Variants in PMM2 observed in about 807,000 individuals in gnomAD.
The protein encoded by PMM2 is phosphomannomutase 2, also known as mannose-6-phosphate isomerase.
Under a neutral mutation model 33.2 loss-of-function variants are expected in PMM2, and 35 were observed. That is an observed-to-expected ratio of 1.06 (90% CI 0.81 to 1.40). The LOEUF (loss-of-function observed/expected upper bound fraction) is 1.40. PMM2 is among the 40% of genes most tolerant of loss of function. PMM2 has a pLI of 0.00. For synonymous variants in PMM2, 153 were observed against 114.7 expected (o/e 1.33, Z -2.13); for missense variants, 386 against 306.0 (o/e 1.26, Z -1.95).
At chr16:8,841,090 ATCCTT>A (rs1330325400) in intron 7 of PMM2, among the ~76,000 whole-genome samples, 2 of 152,058 alleles carry the variant, frequency 1.3e-5, no homozygotes, top group African/African-American at 4.8e-5. Context: ...GTACTGTCCA[ATCCTT>A]TTTAAGTTGG....
chr16:8,813,106 A>G lies in PMM2; in HGVS notation c.639A>G (p.Pro213=). 1 of 1,547,204 alleles carries G rather than the reference A, an allele frequency of 6.5e-7. No individual in the cohort carries two copies. Among genetic ancestry groups the G allele is most frequent in the Non-Finnish European group, 8.9e-7 (1 of 1,118,886 alleles). ...ATTTCTTTGGAGACAAAACTATGCCAGTAAGTAGAGAAGTGTTTGTGCACC... is the reference window on the plus strand; with the variant it reads ...ATTTCTTTGGAGACAAAACTATGCCGGTAAGTAGAGAAGTGTTTGTGCACC... ...TIYFFGDKTM[P]GGNDHEIFTD... is the part of the protein sequence containing the mutation. Residue 213 remains proline, a splice_region_variant and synonymous_variant, in exon 7 of 8, where the codon CCA becomes CCG. Transcript: ENST00000268261.
intron 2 of PMM2, chr16:8,802,341 C>G (rs1411517224): frequency 2.2e-6 from 1 of 455,306 alleles, no homozygotes; most frequent in African/African-American, 2.0e-5. Flanking sequence ...GACCCCTTCA[C>G]TGGAGAGTCT....
At chr16:8,840,942 G>T (rs191309240) in intron 7 of PMM2, among the ~76,000 whole-genome samples, 3 of 152,160 alleles carry the variant, frequency 2.0e-5, no homozygotes, top group East Asian at 3.9e-4. Flanking sequence ...CTGGAAGACA[G>T]TCGCCTAGAG....
At chr16:8,829,034 G>A (rs765653737) in intron 7 of PMM2, among the ~76,000 whole-genome samples, 8 of 152,094 alleles carry the variant, frequency 5.3e-5, no homozygotes, top group Non-Finnish European at 1.2e-4. Flanking sequence ...CTGGAGTGCA[G>A]TGGTGCGATC....
intron 7 of PMM2, among the ~76,000 whole-genome samples, chr16:8,818,194 G>A (rs896032526): frequency 2.7e-5 from 4 of 145,936 alleles, no homozygotes; most frequent in East Asian, 2.1e-4. Context: ...GAGCCACTGC[G>A]CCTGGCGCAA....
chr16:8,811,077 A>T lies in PMM2; in HGVS notation c.348-2A>T. The T allele has an allele frequency of 6.5e-7, 1 of 1,542,186 alleles. No homozygotes were observed. The highest frequency in any genetic ancestry group is 1.9e-5 in the Admixed American group (1 of 53,424). On this transcript the variant is annotated splice_acceptor_variant, in intron 4 of 7. Coordinates refer to ENST00000268261, the MANE Select transcript of PMM2 (RefSeq NM_000303.3). LOFTEE classifies it high-confidence loss of function. ...GAAACTCTGTCACCCTTTCATTCCC[A>T]GGGGTACTTTCATTGAATTCCGAAA...
chr16:8,820,269 C>T (rs1405359237), intron 7 of PMM2, among the ~76,000 whole-genome samples: 1 of 151,692 alleles, frequency 6.6e-6, no homozygotes. Context: ...TGACCCAGAT[C>T]TGGCCCCACC....
intron 7 of PMM2, among the ~76,000 whole-genome samples, chr16:8,827,502 TCTCGTGC>T (rs1367456996): frequency 6.6e-6 from 1 of 150,444 alleles, no homozygotes; most frequent in Non-Finnish European, 1.5e-5. Context: ...TTCAAGTGAT[TCTCGTGC>T]CTCAGCCTCC....
chr16:8,842,355 G>C (rs1288120427), intron 7 of PMM2: 1 of 152,272 alleles, frequency 6.6e-6, no homozygotes, highest in East Asian at 1.9e-4. Context: ...CTACAAAGAA[G>C]AAGGTCATCA....
chr16:8,814,904 C>T (rs2060697865), intron 7 of PMM2, among the ~76,000 whole-genome samples: 1 of 152,164 alleles, frequency 6.6e-6, no homozygotes. Context: ...ACTATAGGCA[C>T]TTCTGTTTGT....
At position 8,835,643 on chromosome 16, in the gene PMM2, C is replaced by A. The variant is rs921108984; in HGVS notation, c.640-12081C>A. ...CGCAGATTCTGAAGTAACCTGTAAGCCTTGTCTGGTTTTAGGACAGGTAAA... is the reference window on the plus strand; with the variant it reads ...CGCAGATTCTGAAGTAACCTGTAAGACTTGTCTGGTTTTAGGACAGGTAAA... On this transcript the variant is annotated intron_variant, in intron 7 of 7. Transcript: ENST00000268261. 2.0e-5 allele frequency among the ~76,000 whole-genome samples: 3 copies of A among 151,960 alleles called. No individual in the cohort carries two copies. In the South Asian group the frequency reaches 6.2e-4, roughly 32 times the overall value.
intron 7 of PMM2, among the ~76,000 whole-genome samples, chr16:8,831,752 C>T (rs1029532326): frequency 1.3e-5 from 2 of 152,228 alleles, no homozygotes; most frequent in African/African-American, 4.8e-5. Context: ...GACTCATCAG[C>T]CCCCTGGCAT....
At chr16:8,832,303 G>A in intron 7 of PMM2, 3 of 985,452 alleles carry the variant, frequency 3.0e-6, no homozygotes, top group Non-Finnish European at 3.6e-6. Context: ...GAAAGCGGGT[G>A]GAGCTGAGAA....
chr16:8,846,939 C>G (rs2060929542), intron 7 of PMM2, among the ~76,000 whole-genome samples: 1 of 152,174 alleles, frequency 6.6e-6, no homozygotes, highest in Non-Finnish European at 1.5e-5. Flanking sequence ...TCTCGGCTTA[C>G]TGCAACTTCC....
intron 7 of PMM2, among the ~76,000 whole-genome samples, chr16:8,833,548 GGA>G (rs1025261331): frequency 6.6e-6 from 1 of 151,638 alleles, no homozygotes; most frequent in African/African-American, 2.4e-5. Context: ...GGGGTGGTAT[GGA>G]GAGAGAATGG....
chr16:8,826,825 T>G (rs1355904235), intron 7 of PMM2, among the ~76,000 whole-genome samples: 1 of 152,204 alleles, frequency 6.6e-6, no homozygotes, highest in Non-Finnish European at 1.5e-5. Flanking sequence ...ACAAATCTTG[T>G]CACGACTCAC....
intron 7 of PMM2, among the ~76,000 whole-genome samples, chr16:8,847,487 CAT>C (rs1448086044): frequency 3.9e-5 from 6 of 152,164 alleles, no homozygotes; most frequent in African/African-American, 7.2e-5. Context: ...TGATGGCTCT[CAT>C]AGGCATAATT....
intron 7 of PMM2, among the ~76,000 whole-genome samples, chr16:8,840,971 G>C (rs988339304): frequency 2.6e-5 from 4 of 152,036 alleles, no homozygotes; most frequent in Non-Finnish European, 5.9e-5. Flanking sequence ...TCTGGGATGA[G>C]GTTGGGGCCA....
At chr16:8,832,328 C>T (rs1276047807) in intron 7 of PMM2, 1 of 985,458 alleles carries the variant, frequency 1.0e-6, no homozygotes, top group Non-Finnish European at 1.2e-6. Context: ...CCCAGAGAGG[C>T]TCCTGCAGCC....
Sources: allele counts gnomAD v4.1 joint callset (sites outside exome capture counted in the v4.1 genomes callset), GRCh38; gene constraint gnomAD v4.1.1; transcripts MANE v1.5; gene names NCBI Gene and HGNC (gene_info 2026-07-23, HGNC 2026-07-21).